The following LAMA3 variants were observed in gnomAD, a reference collection of about 807,000 sequenced individuals.
LAMA3 encodes the protein laminin subunit alpha 3.
LAMA3 carries 281 observed loss-of-function variants against 402.0 expected under a neutral mutation model. The ratio of observed to expected loss-of-function variants is 0.70; its 90% CI spans 0.63 to 0.77. LAMA3 has a LOEUF of 0.77. LAMA3 is among the 30% of genes least tolerant of loss of function. LAMA3 has a pLI of 0.00. For synonymous variants in LAMA3, 1,431 were observed against 1,558.4 expected (o/e 0.92, Z 1.93); for missense variants, 3,840 against 4,215.5 (o/e 0.91, Z 2.47).
chr18:23,795,999 C>A, intron 12 of LAMA3: 1 of 366,888 alleles, frequency 2.7e-6, no homozygotes, highest in South Asian at 2.2e-5. Context: ...CGTTCACTCT[C>A]TCTCTCTCCC....
At chr18:23,951,262 C>T (rs371250729) in intron 72 of LAMA3, among the ~76,000 whole-genome samples, 26 of 152,216 alleles carry the variant, frequency 1.7e-4, no homozygotes, top group African/African-American at 6.0e-4. Context: ...GGAACTATTA[C>T]AGTTGGCTGG....
intron 23 of LAMA3, among the ~76,000 whole-genome samples, chr18:23,829,006 A>G (rs1212549681): frequency 6.6e-6 from 1 of 152,234 alleles, no homozygotes; most frequent in African/African-American, 2.4e-5. Flanking sequence ...TTGAAAAAAG[A>G]TAACATCTCC....
chr18:23,774,506 G>T (rs1369503082), intron 9 of LAMA3, among the ~76,000 whole-genome samples: 1 of 152,168 alleles, frequency 6.6e-6, no homozygotes, highest in Non-Finnish European at 1.5e-5. Context: ...CCAGGATATA[G>T]TTCTTTTCTG....
chr18:23,927,037 A>T (rs759739865), intron 62 of LAMA3, among the ~76,000 whole-genome samples: 1 of 152,236 alleles, frequency 6.6e-6, no homozygotes, highest in Non-Finnish European at 1.5e-5. Flanking sequence ...ATCAGAAGGG[A>T]CAGAACTTGA....
In LAMA3 at chr18:23,952,962, A is replaced by G. The variant is rs572318020; in HGVS notation, c.9737-28A>G. ...CATTAAGCAGGGCTCACCTCCGATGATAGACCTAACCAGCCTCCTTTCCCC... is the reference window on the plus strand; with the variant it reads ...CATTAAGCAGGGCTCACCTCCGATGGTAGACCTAACCAGCCTCCTTTCCCC... On this transcript the variant is annotated intron_variant, in intron 73 of 74. Coordinates refer to ENST00000313654, the MANE Select transcript of LAMA3 (RefSeq NM_198129.4). 53 of 1,613,798 alleles carry G rather than the reference A, an allele frequency of 3.3e-5. No individual in the cohort carries two copies. The African/African-American group carries it at 4.1e-4, about 13-fold the overall frequency.
intron 1 of LAMA3, among the ~76,000 whole-genome samples, chr18:23,702,503 G>T (rs2060809404): frequency 6.6e-6 from 1 of 151,980 alleles, no homozygotes; most frequent in African/African-American, 2.4e-5. Flanking sequence ...TTTTTTGTGT[G>T]TGTGTGGAGA....
chr18:23,794,077 C>T (rs1449902074), intron 12 of LAMA3, among the ~76,000 whole-genome samples: 1 of 152,230 alleles, frequency 6.6e-6, no homozygotes, highest in Non-Finnish European at 1.5e-5. Flanking sequence ...TCCCTGGGCC[C>T]CACCCTCCAG....
At chr18:23,884,642 T>C in intron 40 of LAMA3, 131 bp from the exon 41 acceptor site, 1 of 837,750 alleles carries the variant, frequency 1.2e-6, no homozygotes, top group Non-Finnish European at 2.0e-6. Flanking sequence ...GGCAAAATTT[T>C]CTTCACACAA....
chr18:23,815,024 G>A (rs749962084), intron 15 of LAMA3, among the ~76,000 whole-genome samples, 164 bp from the exon 16 acceptor site: 4 of 152,234 alleles, frequency 2.6e-5, no homozygotes, highest in Non-Finnish European at 4.4e-5. Flanking sequence ...GCCAACTTCA[G>A]AAAGCAGTCT....
rs142838396 is a variant in LAMA3, at chr18:23,942,017, G to A, written c.9027-1771G>A. On this transcript the variant is annotated intron_variant, in intron 68 of 74. Coordinates refer to ENST00000313654, the MANE Select transcript of LAMA3 (RefSeq NM_198129.4). ...TTTAACAAATATAGATTTCTCTTTC[G>A]TTTTGAAGAACATTGCCCTCAAGGA... Among the ~76,000 whole-genome samples, 49 of 152,226 alleles carry A rather than the reference G, an allele frequency of 3.2e-4. No individual in the cohort carries two copies. The East Asian group carries it at 7.5e-3, about 23-fold the overall frequency.
At chr18:23,719,920 T>C (rs1004285924) in intron 2 of LAMA3, among the ~76,000 whole-genome samples, 3 of 152,224 alleles carry the variant, frequency 2.0e-5, no homozygotes, top group Non-Finnish European at 4.4e-5. Flanking sequence ...GCTCTTGGTT[T>C]TGACCCAGTC....
chr18:23,784,244 G>T (rs1166144409), intron 12 of LAMA3, 87 bp downstream of exon 12: 4 of 1,534,220 alleles, frequency 2.6e-6, no homozygotes, highest in Non-Finnish European at 3.6e-6. Flanking sequence ...TGGCAGAGCT[G>T]TCTGGCTTGC....
chr18:23,849,019 T>C (rs1231454017), intron 32 of LAMA3, among the ~76,000 whole-genome samples: 3 of 152,224 alleles, frequency 2.0e-5, no homozygotes, highest in Non-Finnish European at 2.9e-5. Context: ...TCTCATTTTC[T>C]TATAAGGACA....
intron 72 of LAMA3, 137 bp downstream of exon 72, chr18:23,950,296 C>G (rs979616252): frequency 8.0e-5 from 74 of 927,418 alleles, no homozygotes; most frequent in Non-Finnish European, 1.2e-4. Context: ...TGCTAACTTA[C>G]CATTTTCCTT....
chr18:23,907,039 G>A, intron 52 of LAMA3, among the ~76,000 whole-genome samples: 1 of 152,196 alleles, frequency 6.6e-6, no homozygotes, highest in Admixed American at 6.5e-5. Context: ...CCTACTTTGT[G>A]TCTGTATTTG....
rs1238329534 is a variant in LAMA3 at position 23,753,622 on chromosome 18, A to G, written c.856-99A>G. On this transcript the variant is annotated intron_variant, in intron 5 of 74. Transcript: ENST00000313654. The stretch of plus-strand genomic sequence containing the variant: ...TAGGGCTCAAGAATACGGAATTTTA[A>G]AAGGGAAGCAGAGGCAGCAGATGTG... 9.5e-6 allele frequency: 8 copies of G among 839,852 alleles called. No homozygotes were observed. The Admixed American group carries it at 1.5e-4, about 16-fold the overall frequency. The allele number at this position is 839,852 out of a possible 1,614,324, so 52.0% of individuals were successfully genotyped here. A position where few individuals can be genotyped will look rare whatever the true frequency, so the allele number is the denominator to read the frequency against.
At chr18:23,747,558 T>C (rs939442803) in intron 2 of LAMA3, among the ~76,000 whole-genome samples, 3 of 152,198 alleles carry the variant, frequency 2.0e-5, no homozygotes, top group African/African-American at 7.2e-5. Flanking sequence ...GGAAACACTC[T>C]GGGCTGTTCT....
Position 23,713,978 on chromosome 18 carries a change from A to G in LAMA3, c.353A>G (p.Asn118Ser), listed in dbSNP as rs763063287. The G allele has an allele frequency of 2.0e-5, 32 of 1,613,858 alleles. No individual in the cohort carries two copies. Among genetic ancestry groups the G allele is most frequent in the African/African-American group, 4.0e-5 (3 of 74,862 alleles). ...EDPRKAHPVT[N>S]AIDGSERWWQ... Reference sequence around the variant, plus strand: ...CCCAGGAAAGCACATCCTGTCACCAATGCCATCGATGGATCTGAACGTTGG... The same window carrying G: ...CCCAGGAAAGCACATCCTGTCACCAGTGCCATCGATGGATCTGAACGTTGG... The change falls in exon 2 of 75, where the codon AAT (asparagine) becomes AGT (serine). Residue 118 changes from asparagine (N) to serine (S), a missense_variant. Physicochemically the swap from Asn to Ser is conservative, Grantham distance 46. This residue lies in a region of LAMA3 where 2,109 missense variants were observed against 2,376.0 expected (regional missense o/e 0.89). Coordinates refer to ENST00000313654, the MANE Select transcript of LAMA3 (RefSeq NM_198129.4).
chr18:23,841,440 GAGGGCCAGCC>G (rs1302879455), intron 27 of LAMA3, among the ~76,000 whole-genome samples: 1 of 152,154 alleles, frequency 6.6e-6, no homozygotes, highest in African/African-American at 2.4e-5. Flanking sequence ...GGAGTGGAGG[GAGGGCCAGCC>G]AGGGCCATCC....
Sources: allele counts gnomAD v4.1 joint callset (sites outside exome capture counted in the v4.1 genomes callset), GRCh38; gene constraint gnomAD v4.1.1; regional missense constraint gnomAD v4.1.1; transcripts MANE v1.5; gene names NCBI Gene and HGNC (gene_info 2026-07-23, HGNC 2026-07-21).